CDH13: variants seen among roughly 807,000 people sequenced by gnomAD.
CDH13 encodes the protein cadherin-13.
A neutral mutation model predicts 63.8 loss-of-function variants in CDH13; 24 were observed. That is an observed-to-expected ratio of 0.38 (90% CI 0.27 to 0.53). CDH13 has a LOEUF of 0.53. Ranked by LOEUF, CDH13 falls within the 20% of genes least tolerant of loss-of-function variation. The pLI, the probability that CDH13 is intolerant of heterozygous loss-of-function variation, is 0.85. For missense variants in CDH13, 1,049 were observed against 903.1 expected, an observed-to-expected ratio of 1.16 and a Z score of -2.07; for synonymous variants, 503 against 355.3, an observed-to-expected ratio of 1.42 and a Z score of -4.67.
intron 5 of CDH13, among the ~76,000 whole-genome samples, chr16:83,310,617 T>C (rs1157695974): frequency 6.6e-6 from 1 of 152,228 alleles, no homozygotes. Context: ...CCTTTCTGCC[T>C]TTGCTCACTT....
chr16:83,059,709 A>G (rs543091523), intron 3 of CDH13, among the ~76,000 whole-genome samples: 1 of 151,854 alleles, frequency 6.6e-6, no homozygotes, highest in African/African-American at 2.4e-5. Flanking sequence ...AATAGAGCTT[A>G]AAGACAGGGT....
At chr16:82,947,913 G>T (rs1254583146) in intron 2 of CDH13, among the ~76,000 whole-genome samples, 2 of 152,152 alleles carry the variant, frequency 1.3e-5, no homozygotes, top group African/African-American at 4.8e-5. Context: ...GGGAGTGTGT[G>T]ACATTTTAAG....
chr16:83,434,589 G>GA (rs1209040347), intron 6 of CDH13, among the ~76,000 whole-genome samples: 1 of 151,700 alleles, frequency 6.6e-6, no homozygotes, highest in African/African-American at 2.4e-5. Flanking sequence ...ATTAAAAAAA[G>GA]AAAAAACAGA....
intron 2 of CDH13, among the ~76,000 whole-genome samples, chr16:82,958,609 C>T (rs142782862): frequency 1.3e-5 from 2 of 152,326 alleles, no homozygotes; most frequent in East Asian, 3.9e-4. Context: ...TCAAGGGATT[C>T]ACCATGGAGA....
intron 2 of CDH13, among the ~76,000 whole-genome samples, chr16:82,989,059 G>A (rs200033256): frequency 2.6e-5 from 4 of 152,160 alleles, no homozygotes; most frequent in Non-Finnish European, 5.9e-5. Context: ...ATTTGAAATT[G>A]AAATATAGGG....
chr16:82,852,497 G>T (rs954779640), intron 1 of CDH13, among the ~76,000 whole-genome samples: 1 of 152,146 alleles, frequency 6.6e-6, no homozygotes, highest in African/African-American at 2.4e-5. Flanking sequence ...ACATTCAGGG[G>T]CCATGTCTAG....
chr16:83,265,877 C>T (rs990834473), intron 5 of CDH13, among the ~76,000 whole-genome samples: 1 of 151,802 alleles, frequency 6.6e-6, no homozygotes, highest in African/African-American at 2.4e-5. Flanking sequence ...ACTGATGAGC[C>T]TCAAAATGGG....
chr16:82,768,448 A>G (rs967951949), intron 1 of CDH13, among the ~76,000 whole-genome samples: 2 of 152,310 alleles, frequency 1.3e-5, no homozygotes, highest in Non-Finnish European at 2.9e-5. Flanking sequence ...TCCCAAGGAA[A>G]TGGAGGTTAG....
chr16:82,731,043 T>C (rs1403060408), intron 1 of CDH13, among the ~76,000 whole-genome samples: 2 of 152,236 alleles, frequency 1.3e-5, no homozygotes, highest in African/African-American at 4.8e-5. Context: ...GGGGAACAGC[T>C]GCTCATAGCT....
At chr16:82,953,197 A>C (rs957041051) in intron 2 of CDH13, 1 of 152,202 alleles carries the variant, frequency 6.6e-6, no homozygotes, top group African/African-American at 2.4e-5. Flanking sequence ...TGGATATTTC[A>C]TTGTGAAAAG....
chr16:83,474,436 G>A (rs2073547277), intron 6 of CDH13, among the ~76,000 whole-genome samples: 1 of 152,118 alleles, frequency 6.6e-6, no homozygotes, highest in African/African-American at 2.4e-5. Context: ...CAGGCCAGTA[G>A]AATAAAAATC....
intron 5 of CDH13, among the ~76,000 whole-genome samples, chr16:83,226,820 C>G (rs1253577279): frequency 6.6e-6 from 1 of 152,148 alleles, no homozygotes; most frequent in Non-Finnish European, 1.5e-5. Context: ...GAGTGACACT[C>G]TGGGACCAGA....
At chr16:82,910,916 G>A (rs1289894610) in intron 2 of CDH13, among the ~76,000 whole-genome samples, 1 of 152,140 alleles carries the variant, frequency 6.6e-6, no homozygotes, top group African/African-American at 2.4e-5. Context: ...TGACTGTGTG[G>A]CCAGTGAGCA....
At position 83,599,994 on chromosome 16, in the gene CDH13, G is replaced by A. The variant is rs545927539; in HGVS notation, c.961-2460G>A. 5.9e-5 allele frequency among the ~76,000 whole-genome samples: 9 copies of A among 152,224 alleles called. No individual in the cohort carries two copies. The South Asian group carries it at 6.2e-4, about 11-fold the overall frequency. ...GCCAATAGTACATGCAGTCCAGCTC[G>A]TCAGTGATGACAAGCAGAAAGCCAC... On this transcript the variant is annotated intron_variant, in intron 7 of 13. Transcript: ENST00000567109.
chr16:82,839,284 C>G (rs2113138), intron 1 of CDH13, among the ~76,000 whole-genome samples: 39,217 of 152,086 alleles, frequency 0.26, 5,409 homozygotes, highest in Middle Eastern at 0.33. Context: ...GCCCTCTAGG[C>G]TTAGATGTGG....
chr16:82,679,059 C>A (rs944456497), intron 1 of CDH13, among the ~76,000 whole-genome samples: 2 of 152,162 alleles, frequency 1.3e-5, no homozygotes, highest in African/African-American at 4.8e-5. Context: ...ATAGAAAGTG[C>A]CTCAGAAATG....
intron 2 of CDH13, among the ~76,000 whole-genome samples, chr16:83,030,594 G>A (rs1916212853): frequency 7.3e-6 from 1 of 137,146 alleles, no homozygotes; most frequent in Non-Finnish European, 1.5e-5. Context: ...AGTCAGCCAA[G>A]ATCGCGCCAC....
At chr16:83,372,745 G>A (rs371950516) in intron 6 of CDH13, among the ~76,000 whole-genome samples, 10 of 118,972 alleles carry the variant, frequency 8.4e-5, no homozygotes, top group African/African-American at 3.4e-4. Context: ...AGCGAGACTC[G>A]GTCTAAAAAA....
intron 7 of CDH13, among the ~76,000 whole-genome samples, chr16:83,532,407 C>G (rs1407370853): frequency 6.6e-6 from 1 of 152,152 alleles, no homozygotes; most frequent in Admixed American, 6.5e-5. Context: ...ATGCCCAGCA[C>G]CTGGAACCAG....
Sources: gnomAD v4.1 joint callset for allele counts (sites outside exome capture counted in the v4.1 genomes callset) on GRCh38, gnomAD v4.1.1 for gene constraint, MANE v1.5 for transcripts, NCBI Gene and HGNC (gene_info 2026-07-23, HGNC 2026-07-21) for gene names.